Variants in TBC1D14 observed in about 807,000 individuals in gnomAD.
The protein encoded by TBC1D14 is TBC1 domain family, member 14.
In TBC1D14, 26 loss-of-function variants were observed where a neutral mutation model predicts 79.0. That is an observed-to-expected ratio of 0.33 (90% confidence interval 0.24 to 0.46). The LOEUF is 0.46. Among genes scored for constraint, TBC1D14 ranks in the 20% least tolerant of loss-of-function variants. The pLI is 1.00. For synonymous variants in TBC1D14, 394 were observed against 349.9 expected, an observed-to-expected ratio of 1.13 and a Z score of -1.40; for missense variants, 769 against 887.6, an observed-to-expected ratio of 0.87 and a Z score of 1.70.
chr4:6,941,025 G>A (rs1712853985), intron 2 of TBC1D14, among the ~76,000 whole-genome samples: 1 of 152,148 alleles, frequency 6.6e-6, no homozygotes, highest in Non-Finnish European at 1.5e-5. Flanking sequence ...AAACACGAGC[G>A]ATTTATCTTG....
chr4:7,003,838 C>T (rs1278507690), intron 7 of TBC1D14, among the ~76,000 whole-genome samples: 1 of 151,834 alleles, frequency 6.6e-6, no homozygotes, highest in Non-Finnish European at 1.5e-5. Flanking sequence ...CCCATCTCTA[C>T]TAAAAAAAAT....
chr4:7,000,404 T>C (rs1719540787), intron 6 of TBC1D14, among the ~76,000 whole-genome samples: 1 of 152,196 alleles, frequency 6.6e-6, no homozygotes, highest in Non-Finnish European at 1.5e-5. Context: ...GTCTTGACTT[T>C]CGAGAGGATG....
chr4:7,024,978 GA>G, intron 12 of TBC1D14, 25 bp from the exon 13 acceptor site: 1 of 1,610,160 alleles, frequency 6.2e-7, no homozygotes, highest in Non-Finnish European at 8.5e-7. Context: ...TTCAAAATCT[GA>G]AAAATTCCAA....
rs555559713 is a variant in TBC1D14, at chr4:6,998,425, G to C, written c.1046-660G>C. ...AGCATGGAGCTTGCATTTGGAAGGGGATAGGGCTGGGAGCACAGGAGGGAC... is the reference window on the plus strand; with the variant it reads ...AGCATGGAGCTTGCATTTGGAAGGGCATAGGGCTGGGAGCACAGGAGGGAC... On this transcript the variant is annotated intron_variant, in intron 5 of 13. Transcript: ENST00000409757. Among the ~76,000 whole-genome samples the C allele has an allele frequency of 2.0e-4, 31 of 152,230 alleles. No individual in the cohort carries two copies. In the South Asian group the frequency reaches 6.2e-3, roughly 31 times the overall value.
In TBC1D14 at chr4:7,023,488, T is replaced by C. The variant is rs75779164; in HGVS notation, c.1758-1516T>C. 5.9e-5 allele frequency among the ~76,000 whole-genome samples: 9 copies of C among 152,348 alleles called. No individual in the cohort carries two copies. In the East Asian group the frequency reaches 1.7e-3, roughly 29 times the overall value. The stretch of plus-strand genomic sequence containing the variant: ...CTAGACTAAGGAAACAAAAGATCTC[T>C]TTGTTCTTTCTTGAACTGTACTTTC... On this transcript the variant is annotated intron_variant, in intron 12 of 13. Coordinates refer to ENST00000409757, the MANE Select transcript of TBC1D14 (RefSeq NM_020773.3).
intron 2 of TBC1D14, among the ~76,000 whole-genome samples, chr4:6,933,188 T>C (rs1711923768): frequency 6.8e-6 from 1 of 147,714 alleles, no homozygotes. Context: ...GAGAGAACAC[T>C]GATTGCTTTT....
intron 12 of TBC1D14, among the ~76,000 whole-genome samples, chr4:7,020,667 C>T (rs1560360549): frequency 6.6e-6 from 1 of 152,174 alleles, no homozygotes; most frequent in Non-Finnish European, 1.5e-5. Context: ...TTTTCCACAG[C>T]CTCCCTTTAT....
At chr4:6,948,445 C>T (rs138554852) in intron 2 of TBC1D14, among the ~76,000 whole-genome samples, 30 of 152,228 alleles carry the variant, frequency 2.0e-4, no homozygotes, top group African/African-American at 5.8e-4. Flanking sequence ...GTCTAGTTTT[C>T]GGCTGTATGG....
At chr4:7,015,366 G>C (rs1321110083) in intron 12 of TBC1D14, among the ~76,000 whole-genome samples, 1 of 152,170 alleles carries the variant, frequency 6.6e-6, no homozygotes, top group Admixed American at 6.5e-5. Flanking sequence ...TCTTGACTGC[G>C]GTTGGGGAAG....
chr4:6,993,253 C>G (rs1718689709), intron 3 of TBC1D14, among the ~76,000 whole-genome samples: 2 of 152,156 alleles, frequency 1.3e-5, no homozygotes, highest in Admixed American at 1.3e-4. Context: ...CCTTAATTAT[C>G]TATAATCATC....
intron 1 of TBC1D14, among the ~76,000 whole-genome samples, chr4:6,916,944 T>G (rs1577452524): frequency 6.6e-6 from 1 of 152,216 alleles, no homozygotes; most frequent in East Asian, 1.9e-4. Context: ...AGGACGTTAG[T>G]GATTGGGACT....
intron 6 of TBC1D14, among the ~76,000 whole-genome samples, chr4:7,000,806 C>G (rs1719592807): frequency 1.3e-5 from 2 of 152,324 alleles, no homozygotes; most frequent in South Asian, 4.1e-4. Context: ...CTGTAGGAGG[C>G]CAAGCCATTG....
At chr4:7,013,398 G>A (rs1720963628) in intron 11 of TBC1D14, among the ~76,000 whole-genome samples, 4 of 152,232 alleles carry the variant, frequency 2.6e-5, no homozygotes, top group Admixed American at 1.3e-4. Context: ...CACCAGAGTC[G>A]TGATCTGCCC....
At chr4:6,947,087 G>A (rs533114628) in intron 2 of TBC1D14, among the ~76,000 whole-genome samples, 3 of 152,272 alleles carry the variant, frequency 2.0e-5, no homozygotes, top group African/African-American at 4.8e-5. Flanking sequence ...TTAGGCCGGC[G>A]CAGTGGCTCA....
intron 1 of TBC1D14, among the ~76,000 whole-genome samples, chr4:6,919,868 C>T (rs912432889): frequency 1.3e-5 from 2 of 152,186 alleles, no homozygotes; most frequent in Admixed American, 1.3e-4. Flanking sequence ...ATCTGCCCGC[C>T]TTGGCCTCCC....
At chr4:6,999,282 G>C (rs1388558284) in intron 6 of TBC1D14, 80 bp downstream of exon 6, 6 of 1,265,594 alleles carry the variant, frequency 4.7e-6, no homozygotes, top group Admixed American at 3.5e-5. Flanking sequence ...AGTCGTCATA[G>C]CCAGCAGTGA....
intron 2 of TBC1D14, among the ~76,000 whole-genome samples, chr4:6,928,886 A>T (rs1275932554): frequency 6.6e-6 from 1 of 152,190 alleles, no homozygotes; most frequent in Non-Finnish European, 1.5e-5. Flanking sequence ...CGCACTGGGC[A>T]CATCGCAGCA....
rs1460452425 is a variant in TBC1D14, at chr4:7,014,554, A to G, written c.1754A>G (p.Asp585Gly). 1 of 1,600,590 alleles carries G rather than the reference A, an allele frequency of 6.2e-7. No individual in the cohort carries two copies. Among genetic ancestry groups the G allele is most frequent in the Non-Finnish European group, 8.6e-7 (1 of 1,167,976 alleles). The change falls in exon 12 of 14, where the codon GAT becomes GGT. Residue 585 changes from aspartate (D) to glycine (G), a missense_variant. Transcript: ENST00000409757. ...NNLTPDIYLI[D>G]WIFTLYSKSL... ...CTAACTCCAGATATCTACCTAATTG[A>G]TTGGTAAGACTGGCTTTTCCCTGTG...
At chr4:6,940,897 GGCTTATGGCATGAATGAACGA>G (rs1186938685) in intron 2 of TBC1D14, among the ~76,000 whole-genome samples, 1 of 152,126 alleles carries the variant, frequency 6.6e-6, no homozygotes, top group Non-Finnish European at 1.5e-5. Context: ...ACCGCGTCCC[GGCTTATGGCATGAATGAACGA>G]ATGAATGAAC....
Sources: gnomAD v4.1 joint callset for allele counts (sites outside exome capture counted in the v4.1 genomes callset) on GRCh38, gnomAD v4.1.1 for gene constraint, MANE v1.5 for transcripts, NCBI Gene and HGNC (gene_info 2026-07-23, HGNC 2026-07-21) for gene names.